The following DPP6 variants were observed in gnomAD, a reference collection of about 807,000 sequenced individuals.
The protein encoded by DPP6 is dipeptidyl peptidase like 6.
DPP6 carries 69 observed loss-of-function variants against 122.6 expected under a neutral mutation model. The observed-to-expected ratio is 0.56, with a 90% CI of 0.46 to 0.69. DPP6 has a LOEUF of 0.69. Among genes scored for constraint, DPP6 ranks in the 30% least tolerant of loss-of-function variants. DPP6 has a pLI of 0.00. For synonymous variants in DPP6, 418 were observed against 433.1 expected, an observed-to-expected ratio of 0.97 and a Z score of 0.43; for missense variants, 928 against 1,116.9, an observed-to-expected ratio of 0.83 and a Z score of 2.41.
rs79479371 is a variant in DPP6 at position 154,396,586 on chromosome 7, G to A, written c.244-49628G>A. Among the ~76,000 whole-genome samples, 428 of 152,334 alleles carry A rather than the reference G, an allele frequency of 2.8e-3. 11 individuals are homozygous for A. The East Asian group carries it at 0.077, about 27-fold the overall frequency. On this transcript the variant is annotated intron_variant, in intron 1 of 25. Coordinates refer to ENST00000377770, the MANE Select transcript of DPP6 (RefSeq NM_130797.4). The stretch of plus-strand genomic sequence containing the variant: ...ACAATCGGTGAAGGATTGTAATGAA[G>A]ATTAAAGGAGCCTGGAGCACAACTT...
At chr7:154,852,321 C>G (rs1020600995) in intron 16 of DPP6, among the ~76,000 whole-genome samples, 2 of 152,204 alleles carry the variant, frequency 1.3e-5, no homozygotes, top group Admixed American at 1.3e-4. Context: ...CCATGGCATC[C>G]TGGGTCCATA....
chr7:154,478,461 C>T (rs1822947789), intron 3 of DPP6, among the ~76,000 whole-genome samples: 1 of 152,120 alleles, frequency 6.6e-6, no homozygotes, highest in African/African-American at 2.4e-5. Context: ...TCACCGTCAT[C>T]ATCATAACAT....
At chr7:154,174,225 A>G (rs187446254) in intron 1 of DPP6, among the ~76,000 whole-genome samples, 1 of 152,230 alleles carries the variant, frequency 6.6e-6, no homozygotes, top group South Asian at 2.1e-4. Context: ...ACTTTCTTGC[A>G]GTTCTGTTTA....
the DPP6 span, among the ~76,000 whole-genome samples, chr7:153,812,367 C>A: frequency 2.6e-5 from 4 of 152,032 alleles, no homozygotes; most frequent in Non-Finnish European, 5.9e-5. Flanking sequence ...TTCTTAATAT[C>A]ATTTTTGTAC....
intron 1 of DPP6, among the ~76,000 whole-genome samples, chr7:154,332,452 T>G (rs1435578461): frequency 6.6e-6 from 1 of 152,238 alleles, no homozygotes; most frequent in Non-Finnish European, 1.5e-5. Context: ...TGGTTGGGCA[T>G]AGGTCCTGAG....
intron 1 of DPP6, among the ~76,000 whole-genome samples, chr7:154,293,784 T>C (rs1231736250): frequency 6.6e-6 from 1 of 152,210 alleles, no homozygotes; most frequent in Non-Finnish European, 1.5e-5. Flanking sequence ...AATGAACTGG[T>C]TCTGACCTAT....
intron 1 of DPP6, among the ~76,000 whole-genome samples, chr7:154,338,998 C>T (rs1359670456): frequency 6.6e-6 from 1 of 152,200 alleles, no homozygotes; most frequent in Non-Finnish European, 1.5e-5. Context: ...CAGCATCTAA[C>T]GTTGCTATTT....
At chr7:153,985,267 T>A (rs186963593) in intron 1 of DPP6, among the ~76,000 whole-genome samples, 17 of 152,176 alleles carry the variant, frequency 1.1e-4, no homozygotes. Flanking sequence ...AAATAATCTG[T>A]GGAGGGAGAG....
At chr7:153,967,146 A>G (rs1795787557) in intron 1 of DPP6, among the ~76,000 whole-genome samples, 1 of 152,074 alleles carries the variant, frequency 6.6e-6, no homozygotes, top group African/African-American at 2.4e-5. Context: ...CAGTAGTCAA[A>G]GGTGAGGGGA....
chr7:154,789,178 A>G (rs1243198288), intron 10 of DPP6, among the ~76,000 whole-genome samples: 1 of 152,234 alleles, frequency 6.6e-6, no homozygotes, highest in Non-Finnish European at 1.5e-5. Flanking sequence ...TCTCCGGTGT[A>G]AATCTGGAAG....
At chr7:153,787,732 C>T in the DPP6 span, among the ~76,000 whole-genome samples, 741 of 144,542 alleles carry the variant, frequency 5.1e-3, 3 homozygotes, top group African/African-American at 0.019. Context: ...ACTTCAGTCT[C>T]GGTGAGAACT....
At chr7:153,986,951 AAAAAG>A (rs1356487448) in intron 1 of DPP6, among the ~76,000 whole-genome samples, 1 of 152,094 alleles carries the variant, frequency 6.6e-6, no homozygotes, top group Non-Finnish European at 1.5e-5. Flanking sequence ...TAAAAGGAAA[AAAAAG>A]AGGCTACTTA....
chr7:154,669,000 T>C (rs1196027529), intron 6 of DPP6, among the ~76,000 whole-genome samples: 1 of 152,220 alleles, frequency 6.6e-6, no homozygotes, highest in Non-Finnish European at 1.5e-5. Context: ...AAGATGGAGA[T>C]ACAAATTGTG....
In DPP6 at chr7:154,474,985, T is replaced by C. The variant is rs763429644; in HGVS notation, c.405T>C (p.Asp135=). ...AAAAGAAGAAGGTCACTGTAGAAGA[T>C]CTCTTCAGTGAAGACTTCAAAATTC... is the stretch of plus-strand genomic sequence containing the variant. ...LSQKKKVTVE[D]LFSEDFKIHD... Residue 135 remains aspartate (D), a synonymous_variant, in exon 3 of 26, where the codon GAT becomes GAC. Transcript: ENST00000377770. 9 of 1,613,750 alleles carry C rather than the reference T, an allele frequency of 5.6e-6. No individual in the cohort carries two copies. The African/African-American group carries it at 9.3e-5, about 17-fold the overall frequency.
intron 1 of DPP6, among the ~76,000 whole-genome samples, chr7:154,192,445 G>A (rs1376133638): frequency 6.6e-6 from 1 of 152,238 alleles, no homozygotes; most frequent in Non-Finnish European, 1.5e-5. Context: ...TATTGCACCA[G>A]CACTGCAGAG....
rs566893725 is a variant in DPP6, at chr7:154,377,487, G to T, written c.244-68727G>T. Among the ~76,000 whole-genome samples the T allele has an allele frequency of 5.3e-5, 8 of 152,330 alleles. No homozygotes were observed. In the East Asian group the frequency reaches 1.5e-3, roughly 29 times the overall value. On this transcript the variant is annotated intron_variant, in intron 1 of 25. Transcript: ENST00000377770. Reference sequence around the variant, plus strand: ...CTCTGTGTCTCCACCCAAATCTCATGTTGAATTGTAATCCCTAGTGTTCCA... The same window carrying T: ...CTCTGTGTCTCCACCCAAATCTCATTTTGAATTGTAATCCCTAGTGTTCCA...
At chr7:154,571,312 A>G (rs1212239551) in intron 5 of DPP6, among the ~76,000 whole-genome samples, 3 of 152,198 alleles carry the variant, frequency 2.0e-5, no homozygotes, top group Non-Finnish European at 4.4e-5. Flanking sequence ...AAAAGAATGT[A>G]AAATGCATTA....
intron 1 of DPP6, among the ~76,000 whole-genome samples, chr7:153,925,547 G>A (rs1223266727): frequency 2.0e-5 from 3 of 152,006 alleles, no homozygotes; most frequent in African/African-American, 7.2e-5. Flanking sequence ...CCGAGGTTCT[G>A]ATGAGGGGAG....
rs550000091 is a variant in DPP6 at position 154,023,745 on chromosome 7, G to A, written c.51+136011G>A. Among the ~76,000 whole-genome samples, 31 of 152,262 alleles carry A rather than the reference G, an allele frequency of 2.0e-4. No individual in the cohort carries two copies. In the South Asian group the frequency reaches 4.2e-3, roughly 20 times the overall value. ...GATTCGCTCGCCTTGGCCTCCCAAA[G>A]TGCTGGGATTACAGGTGTGAACCAC... On this transcript the variant is annotated intron_variant, in intron 1 of 25. Coordinates refer to the DPP6 transcript ENST00000404039.
Sources: gnomAD v4.1 joint callset for allele counts (sites outside exome capture counted in the v4.1 genomes callset) on GRCh38, gnomAD v4.1.1 for gene constraint, MANE v1.5 for transcripts, NCBI Gene and HGNC (gene_info 2026-07-23, HGNC 2026-07-21) for gene names.